The following TTC6 variants were observed in gnomAD, a reference collection of about 807,000 sequenced individuals.
The protein encoded by TTC6 is tetratricopeptide repeat domain 6.
A neutral mutation model predicts 210.4 loss-of-function variants in TTC6; 172 were observed. That is an observed-to-expected ratio of 0.82 (90% CI 0.72 to 0.93). The LOEUF (loss-of-function observed/expected upper bound fraction) is 0.93. TTC6 is among the 40% of genes least tolerant of loss of function. TTC6 has a pLI of 0.00. For synonymous variants in TTC6, 804 were observed against 819.6 expected (o/e 0.98, Z 0.32); for missense variants, 2,414 against 2,318.1 (o/e 1.04, Z -0.85).
chr14:37,683,655 G>A (rs1029469085), intron 3 of TTC6, among the ~76,000 whole-genome samples: 3 of 151,994 alleles, frequency 2.0e-5, no homozygotes, highest in African/African-American at 7.2e-5. Context: ...ATCTTATACT[G>A]TGCTTAACTT....
chr14:37,760,349 G>T (rs918804398), intron 14 of TTC6, among the ~76,000 whole-genome samples: 5 of 152,272 alleles, frequency 3.3e-5, no homozygotes, highest in Middle Eastern at 3.4e-3. Flanking sequence ...AAAGCAGTTT[G>T]CTTCCTGCTC....
chr14:37,651,399 AT>A (rs2095711017), intron 1 of TTC6, among the ~76,000 whole-genome samples: 1 of 16,974 alleles, frequency 5.9e-5, no homozygotes, highest in Non-Finnish European at 1.0e-4. Context: ...ATATATATAT[AT>A]ATATATATAT....
intron 1 of TTC6, among the ~76,000 whole-genome samples, chr14:37,643,754 A>G (rs2095696572): frequency 6.6e-6 from 1 of 152,170 alleles, no homozygotes; most frequent in Admixed American, 6.5e-5. Flanking sequence ...CATTTCAGCC[A>G]AATTTCCCCT....
At chr14:37,831,740 G>T (rs904054881) in intron 29 of TTC6, among the ~76,000 whole-genome samples, 1 of 110,486 alleles carries the variant, frequency 9.1e-6, no homozygotes, top group Non-Finnish European at 1.9e-5. Flanking sequence ...TTGGCCGTCT[G>T]TTATGTCTTT....
chr14:37,607,339 T>C (rs1225505550), intron 2 of TTC6, among the ~76,000 whole-genome samples: 1 of 152,178 alleles, frequency 6.6e-6, no homozygotes, highest in East Asian at 1.9e-4. Context: ...CTCTAGAACA[T>C]TAAGTCTAGA....
chr14:37,809,097 G>A lies in TTC6; in HGVS notation c.4569+251G>A, dbSNP rs531401000. On this transcript the variant is annotated intron_variant, in intron 24 of 30. Coordinates refer to ENST00000553443, the Ensembl canonical transcript of TTC6. Reference sequence around the variant, plus strand: ...ATTTCAAAGAATATTTAATTTCTTTGTTGGTGCTCACCAAATTTTCTTATA... The same window carrying A: ...ATTTCAAAGAATATTTAATTTCTTTATTGGTGCTCACCAAATTTTCTTATA... Among the ~76,000 whole-genome samples the A allele has an allele frequency of 2.5e-3, 377 of 152,170 alleles. 1 individual carries two copies. The highest frequency in any genetic ancestry group is 8.5e-3 in the African/African-American group (352 of 41,512).
chr14:37,662,024 G>A (rs964703356), intron 1 of TTC6, among the ~76,000 whole-genome samples: 1 of 151,792 alleles, frequency 6.6e-6, no homozygotes, highest in African/African-American at 2.4e-5. Flanking sequence ...TTTTGCTGAA[G>A]TTGCTTATCG....
chr14:37,764,620 T>C (rs2095993205), intron 14 of TTC6, among the ~76,000 whole-genome samples: 1 of 152,172 alleles, frequency 6.6e-6, no homozygotes, highest in African/African-American at 2.4e-5. Flanking sequence ...TTGTGTGGAA[T>C]ACCTTTTCCC....
intron 3 of TTC6, among the ~76,000 whole-genome samples, chr14:37,694,686 T>C (rs1385513371): frequency 6.6e-6 from 1 of 152,014 alleles, no homozygotes; most frequent in Non-Finnish European, 1.5e-5. Context: ...TAAGTGTCCG[T>C]CAACAGAAGA....
At chr14:37,617,598 C>T (rs1344822259), upstream of TTC6, among the ~76,000 whole-genome samples, 1 of 152,106 alleles carries the variant, frequency 6.6e-6, no homozygotes, top group Non-Finnish European at 1.5e-5. Flanking sequence ...ATTCTCTTAG[C>T]AAAATTATTA....
intron 14 of TTC6, among the ~76,000 whole-genome samples, chr14:37,763,049 T>TG (rs1566937657): frequency 7.4e-6 from 1 of 134,328 alleles, no homozygotes. Context: ...CACACCCGCC[T>TG]AATTTTTTTT....
chr14:37,672,009 C>G (rs573117026), intron 1 of TTC6, among the ~76,000 whole-genome samples: 26 of 152,252 alleles, frequency 1.7e-4, no homozygotes, highest in African/African-American at 6.3e-4. Flanking sequence ...CTTTACTTTA[C>G]AAATTACCCA....
intron 20 of TTC6, among the ~76,000 whole-genome samples, chr14:37,803,625 G>T (rs1429779242): frequency 1.3e-5 from 2 of 152,208 alleles, no homozygotes; most frequent in Non-Finnish European, 2.9e-5. Context: ...GAAGTAACAG[G>T]CTGCTCAGGT....
intron 1 of TTC6, among the ~76,000 whole-genome samples, chr14:37,605,563 G>A (rs987865941): frequency 1.4e-4 from 22 of 152,180 alleles, no homozygotes; most frequent in African/African-American, 5.1e-4. Context: ...TTACTTGGGA[G>A]AGCTGTTAGT....
rs1474234113 is a variant in TTC6, at chr14:37,827,379, T to A, written c.5298+13T>A. On this transcript the variant is annotated intron_variant, in intron 29 of 30. Coordinates refer to ENST00000553443, the Ensembl canonical transcript of TTC6. ...GCAGTTTTCCCAGGTAATGTGAGTT[T>A]TACTTAACGCTTTCTTTTTGACCTG... 6.2e-7 allele frequency: 1 copy of A among 1,610,724 alleles called. No individual in the cohort carries two copies. The highest frequency in any genetic ancestry group is 8.5e-7 in the Non-Finnish European group (1 of 1,177,916).
intron 8 of TTC6, 100 bp downstream of exon 10, chr14:37,736,110 G>A: frequency 3.0e-6 from 2 of 674,922 alleles, no homozygotes. Flanking sequence ...TTGGGGCCAG[G>A]CATGGTGGCT....
At chr14:37,787,365 A>T (rs1365020619) in intron 14 of TTC6, 103 bp from the exon 17 acceptor site, 1 of 864,678 alleles carries the variant, frequency 1.2e-6, no homozygotes, top group Admixed American at 3.0e-5. Context: ...AAGGAGAAAC[A>T]TTTACAAATT....
chr14:37,799,135 A>T (rs2096099766), intron 20 of TTC6, among the ~76,000 whole-genome samples: 1 of 152,138 alleles, frequency 6.6e-6, no homozygotes, highest in African/African-American at 2.4e-5. Context: ...TCTTTGAAAG[A>T]TTATTTAATG....
chr14:37,749,678 A>G (rs1012545184), intron 11 of TTC6, 36 bp from the exon 14 acceptor site: 1 of 1,300,634 alleles, frequency 7.7e-7, no homozygotes, highest in African/African-American at 1.5e-5. Flanking sequence ...CCTTTAACAA[A>G]TCAACTTTAA....
Sources: allele counts gnomAD v4.1 joint callset (sites outside exome capture counted in the v4.1 genomes callset), GRCh38; gene constraint gnomAD v4.1.1; transcripts MANE v1.5; gene names NCBI Gene and HGNC (gene_info 2026-07-23, HGNC 2026-07-21).